Variants in UNC5C observed in about 807,000 individuals in gnomAD.
UNC5C encodes netrin receptor UNC5C.
In UNC5C, 47 loss-of-function variants were observed where a neutral mutation model predicts 99.8. That is an observed-to-expected ratio of 0.47 (90% CI 0.37 to 0.60). The LOEUF (loss-of-function observed/expected upper bound fraction) is 0.60. Among genes scored for constraint, UNC5C ranks in the 20% least tolerant of loss-of-function variants. The pLI, the probability that UNC5C is intolerant of heterozygous loss-of-function variation, is 0.00. For synonymous variants in UNC5C, 487 were observed against 452.2 expected (o/e 1.08, Z -0.98); for missense variants, 1,062 against 1,165.9 (o/e 0.91, Z 1.30).
At chr4:95,471,404 T>G (rs1747964627) in intron 1 of UNC5C, among the ~76,000 whole-genome samples, 1 of 152,072 alleles carries the variant, frequency 6.6e-6, no homozygotes, top group Non-Finnish European at 1.5e-5. Context: ...TACGCAGTGT[T>G]TAAATAAAGG....
intron 1 of UNC5C, among the ~76,000 whole-genome samples, chr4:95,505,531 C>CT (rs1384907050): frequency 1.3e-5 from 2 of 152,074 alleles, no homozygotes; most frequent in East Asian, 1.9e-4. Context: ...CTTATAAACA[C>CT]TTTTTTTGGT....
intron 1 of UNC5C, among the ~76,000 whole-genome samples, chr4:95,448,796 C>T (rs191355697): frequency 1.1e-3 from 169 of 152,268 alleles, no homozygotes; most frequent in Non-Finnish European, 1.8e-3. Context: ...CACTCTCTTT[C>T]GAGATAAACA....
At chr4:95,183,787 A>T (rs930939639) in intron 13 of UNC5C, among the ~76,000 whole-genome samples, 2 of 152,066 alleles carry the variant, frequency 1.3e-5, no homozygotes, top group African/African-American at 4.8e-5. Flanking sequence ...ACAAATAAGA[A>T]CCCCTTATTT....
intron 3 of UNC5C, among the ~76,000 whole-genome samples, chr4:95,288,771 C>A (rs1199283225): frequency 6.6e-6 from 1 of 152,204 alleles, no homozygotes; most frequent in African/African-American, 2.4e-5. Context: ...TTCTCTTCTT[C>A]AATCTGTGTC....
chr4:95,431,137 C>G (rs1342500701), intron 1 of UNC5C, among the ~76,000 whole-genome samples: 2 of 152,052 alleles, frequency 1.3e-5, no homozygotes, highest in Non-Finnish European at 2.9e-5. Flanking sequence ...CTTTAGGTAA[C>G]TCCCATGCGA....
intron 1 of UNC5C, among the ~76,000 whole-genome samples, chr4:95,463,550 AT>A (rs958983277): frequency 3.3e-5 from 5 of 152,182 alleles, no homozygotes; most frequent in Non-Finnish European, 5.9e-5. Flanking sequence ...GGTCTGAAAC[AT>A]CTTCCTAGTA....
At chr4:95,497,769 T>C (rs1407429433) in intron 1 of UNC5C, among the ~76,000 whole-genome samples, 1 of 152,032 alleles carries the variant, frequency 6.6e-6, no homozygotes, top group African/African-American at 2.4e-5. Context: ...TAAGAAACTG[T>C]AGCAAAGGTG....
chr4:95,435,231 A>T (rs573922460), intron 1 of UNC5C, among the ~76,000 whole-genome samples: 1 of 152,212 alleles, frequency 6.6e-6, no homozygotes, highest in East Asian at 1.9e-4. Context: ...ACCCAGTGTG[A>T]ATGAATGAAT....
intron 4 of UNC5C, among the ~76,000 whole-genome samples, chr4:95,251,442 TGA>T (rs1352392081): frequency 6.6e-6 from 1 of 152,220 alleles, no homozygotes. Context: ...TTAAAACTAC[TGA>T]ACTATTTTTT....
At position 95,320,422 on chromosome 4, in the gene UNC5C, C is replaced by CAA. The variant is rs34842898; in HGVS notation, c.346+14986_346+14987dup. On this transcript the variant is annotated intron_variant, in intron 2 of 15. Coordinates refer to ENST00000453304, the MANE Select transcript of UNC5C (RefSeq NM_003728.4). ...GGGTGACAAGAGAGAAATTCCATCT[C>CAA]AAAAAAAAAAAAAAAAGAAAAGAAA... is the stretch of plus-strand genomic sequence containing the variant. 4.2e-5 allele frequency among the ~76,000 whole-genome samples: 4 copies of CAA among 94,962 alleles called. 1 individual carries two copies. Among genetic ancestry groups the CAA allele is most frequent in the African/African-American group, 1.2e-4 (3 of 24,944 alleles). 62.3% of individuals were successfully genotyped at this position (94,962 alleles called of 152,430 possible). A position where few individuals can be genotyped will look rare whatever the true frequency, so the allele number is the denominator to read the frequency against.
At chr4:95,474,648 C>T (rs1748082300) in intron 1 of UNC5C, among the ~76,000 whole-genome samples, 1 of 151,828 alleles carries the variant, frequency 6.6e-6, no homozygotes, top group Admixed American at 6.6e-5. Context: ...ACCTTTGGGA[C>T]CAGATAATGT....
At chr4:95,194,466 T>C (rs1737294256) in intron 12 of UNC5C, among the ~76,000 whole-genome samples, 1 of 152,098 alleles carries the variant, frequency 6.6e-6, no homozygotes, top group African/African-American at 2.4e-5. Context: ...AAAATCAAGG[T>C]GTGTCAGTGG....
intron 1 of UNC5C, among the ~76,000 whole-genome samples, chr4:95,538,691 G>A (rs1167542319): frequency 6.6e-6 from 1 of 152,002 alleles, no homozygotes; most frequent in Non-Finnish European, 1.5e-5. Context: ...AAAAATCCTA[G>A]TTCAAAAATG....
At chr4:95,237,264 T>G (rs1739153088) in intron 7 of UNC5C, among the ~76,000 whole-genome samples, 1 of 152,172 alleles carries the variant, frequency 6.6e-6, no homozygotes, top group Admixed American at 6.6e-5. Flanking sequence ...TACTTAAAAC[T>G]TATGCATTCA....
intron 5 of UNC5C, among the ~76,000 whole-genome samples, chr4:95,245,581 T>A (rs2149379875): frequency 6.6e-6 from 1 of 152,344 alleles, no homozygotes; most frequent in South Asian, 2.1e-4. Context: ...ATTGATTTTT[T>A]AAGCATATGT....
intron 12 of UNC5C, among the ~76,000 whole-genome samples, chr4:95,202,078 G>A (rs906287845): frequency 2.6e-5 from 4 of 152,004 alleles, no homozygotes; most frequent in Admixed American, 2.0e-4. Context: ...TCCGTCTCCT[G>A]AGCTCCCATA....
At chr4:95,401,954 T>G (rs1418757540) in intron 1 of UNC5C, among the ~76,000 whole-genome samples, 1 of 152,246 alleles carries the variant, frequency 6.6e-6, no homozygotes, top group Non-Finnish European at 1.5e-5. Context: ...AGTGGTATCT[T>G]ACTGTGGTTC....
chr4:95,237,295 G>A (rs1399026456), intron 7 of UNC5C, among the ~76,000 whole-genome samples: 2 of 152,106 alleles, frequency 1.3e-5, no homozygotes, highest in Admixed American at 1.3e-4. Context: ...TTGGGTCAAA[G>A]GGTATGATAA....
chr4:95,436,852 CT>C (rs1189676704), intron 1 of UNC5C, among the ~76,000 whole-genome samples: 4 of 151,710 alleles, frequency 2.6e-5, no homozygotes, highest in African/African-American at 9.7e-5. Context: ...ATGGAATTTT[CT>C]AGCATCTAAT....
Sources: gnomAD v4.1 joint callset for allele counts (sites outside exome capture counted in the v4.1 genomes callset) on GRCh38, gnomAD v4.1.1 for gene constraint, MANE v1.5 for transcripts, NCBI Gene and HGNC (gene_info 2026-07-23, HGNC 2026-07-21) for gene names.